Variants in SGMS1 observed in about 807,000 individuals in gnomAD.
SGMS1 encodes phosphatidylcholine:ceramide cholinephosphotransferase 1.
Under a neutral mutation model 46.2 loss-of-function variants are expected in SGMS1, and 13 were observed. The ratio of observed to expected loss-of-function variants is 0.28; its 90% CI spans 0.18 to 0.45. The LOEUF is 0.45. Among genes scored for constraint, SGMS1 ranks in the 20% least tolerant of loss-of-function variants. The pLI, the probability that SGMS1 is intolerant of heterozygous loss-of-function variation, is 1.00. For missense variants in SGMS1, 324 were observed against 519.9 expected (o/e 0.62, Z 3.66); for synonymous variants, 203 against 187.8 (o/e 1.08, Z -0.66).
intron 8 of SGMS1, among the ~76,000 whole-genome samples, chr10:50,317,946 G>T (rs923786532): frequency 1.3e-5 from 2 of 151,890 alleles, no homozygotes; most frequent in Non-Finnish European, 2.9e-5. Flanking sequence ...TGGGATTATA[G>T]GTGCATGCCG....
chr10:50,396,378 G>A (rs1848848309), intron 6 of SGMS1, among the ~76,000 whole-genome samples: 2 of 152,104 alleles, frequency 1.3e-5, no homozygotes, highest in African/African-American at 4.8e-5. Flanking sequence ...TCTTCCCTAG[G>A]ATGTTTTGCA....
chr10:50,340,642 T>C (rs1847802453), intron 7 of SGMS1: 1 of 151,940 alleles, frequency 6.6e-6, no homozygotes, highest in East Asian at 1.9e-4. Flanking sequence ...GGAGGAAAAA[T>C]TTAAGTACAA....
intron 2 of SGMS1, among the ~76,000 whole-genome samples, chr10:50,521,450 AT>A (rs1479193402): frequency 6.6e-6 from 1 of 152,156 alleles, no homozygotes; most frequent in Non-Finnish European, 1.5e-5. Flanking sequence ...GCCTTAGTAA[AT>A]TTAAAAGTTA....
At chr10:50,449,150 TCTTAAA>T (rs1232882266) in intron 5 of SGMS1, among the ~76,000 whole-genome samples, 1 of 152,214 alleles carries the variant, frequency 6.6e-6, no homozygotes, top group African/African-American at 2.4e-5. Flanking sequence ...AAAATTTATT[TCTTAAA>T]CTTAAGAGCT....
At chr10:50,535,873 C>T (rs530550110) in intron 2 of SGMS1, among the ~76,000 whole-genome samples, 13 of 152,278 alleles carry the variant, frequency 8.5e-5, no homozygotes, top group South Asian at 6.2e-4. Flanking sequence ...GAATGTATTA[C>T]GTCTCAGTGG....
intron 6 of SGMS1, among the ~76,000 whole-genome samples, chr10:50,361,753 A>G (rs1848252824): frequency 6.6e-6 from 1 of 152,256 alleles, no homozygotes; most frequent in Admixed American, 6.5e-5. Flanking sequence ...CCACACTACC[A>G]TGAGATCTAG....
Position 50,307,973 on chromosome 10 carries a change from G to A in SGMS1, c.1062+9C>T. The A allele has an allele frequency of 6.2e-7, 1 of 1,613,142 alleles. No individual in the cohort carries two copies. ...AACAGAAGCTAAAATCAAAAGCGGG[G>A]AAACTCACTTGCTGATTGGCCATAG... On this transcript the variant is annotated intron_variant, in intron 10 of 10. Coordinates refer to ENST00000361781, the MANE Select transcript of SGMS1 (RefSeq NM_147156.4). The surrounding 1 kb of genome is among the most constrained non-coding windows in gnomAD (Gnocchi z 4.2).
At chr10:50,459,697 C>T (rs1461438629) in intron 5 of SGMS1, among the ~76,000 whole-genome samples, 1 of 152,248 alleles carries the variant, frequency 6.6e-6, no homozygotes, top group Admixed American at 6.5e-5. Context: ...AGCCACCACG[C>T]CCAGCTGAAT....
intron 6 of SGMS1, among the ~76,000 whole-genome samples, chr10:50,429,746 CTT>C (rs1452171393): frequency 5.6e-5 from 8 of 142,052 alleles, no homozygotes; most frequent in Non-Finnish European, 1.2e-4. Context: ...CACACATACT[CTT>C]TTCTCATGAC....
chr10:50,437,504 A>T (rs367899427), intron 5 of SGMS1, among the ~76,000 whole-genome samples: 2 of 152,212 alleles, frequency 1.3e-5, no homozygotes, highest in African/African-American at 4.8e-5. Context: ...GTTCTTAACC[A>T]CTATACTACA....
chr10:50,562,554 C>CT (rs370650162), intron 2 of SGMS1, among the ~76,000 whole-genome samples: 2 of 152,096 alleles, frequency 1.3e-5, no homozygotes, highest in Non-Finnish European at 2.9e-5. Flanking sequence ...TCTCCACACT[C>CT]TTTTTTTGAG....
intron 2 of SGMS1, among the ~76,000 whole-genome samples, chr10:50,530,417 G>C (rs896215275): frequency 2.6e-5 from 4 of 152,154 alleles, no homozygotes; most frequent in African/African-American, 9.7e-5. Context: ...AAGGGAAATG[G>C]GCAAGCCACA....
intron 3 of SGMS1, among the ~76,000 whole-genome samples, chr10:50,519,603 T>G (rs1409071425): frequency 3.3e-5 from 5 of 152,214 alleles, no homozygotes. Flanking sequence ...CCAGATTGCT[T>G]GCCTTCTCCA....
chr10:50,546,041 G>A (rs898494708), intron 2 of SGMS1, among the ~76,000 whole-genome samples: 43 of 152,262 alleles, frequency 2.8e-4, no homozygotes, highest in Non-Finnish European at 4.4e-4. Flanking sequence ...TAGATAACAG[G>A]GAAGTCTAAA....
intron 2 of SGMS1, among the ~76,000 whole-genome samples, chr10:50,556,988 G>A (rs1441468492): frequency 6.6e-6 from 1 of 152,150 alleles, no homozygotes; most frequent in East Asian, 1.9e-4. Flanking sequence ...TGAGTTCGAT[G>A]TCCTGTCTGC....
chr10:50,371,520 C>T (rs1848435265), intron 6 of SGMS1, among the ~76,000 whole-genome samples: 1 of 152,166 alleles, frequency 6.6e-6, no homozygotes, highest in Non-Finnish European at 1.5e-5. Flanking sequence ...ACCATTCCTG[C>T]CTTTGTATGG....
chr10:50,423,660 G>A (rs913396906), intron 6 of SGMS1, among the ~76,000 whole-genome samples: 8 of 151,842 alleles, frequency 5.3e-5, no homozygotes, highest in African/African-American at 1.9e-4. Context: ...CTAAGTGCAC[G>A]AACTCTTATA....
intron 7 of SGMS1, chr10:50,341,335 C>T (rs1847817773): frequency 2.2e-6 from 1 of 455,850 alleles, no homozygotes; most frequent in African/African-American, 2.0e-5. Context: ...AGAGAGGTCA[C>T]AGGGAGAGAG....
intron 6 of SGMS1, among the ~76,000 whole-genome samples, chr10:50,344,796 C>T (rs1247585185): frequency 4.6e-5 from 7 of 151,864 alleles, no homozygotes; most frequent in South Asian, 2.1e-4. Flanking sequence ...GGTGTGAACC[C>T]GGGAGGCGGA....
Sources: allele counts gnomAD v4.1 joint callset (sites outside exome capture counted in the v4.1 genomes callset), GRCh38; gene constraint gnomAD v4.1.1; non-coding constraint Gnocchi (gnomAD v3.1); transcripts MANE v1.5; gene names NCBI Gene and HGNC (gene_info 2026-07-23, HGNC 2026-07-21).